NUP214: variants seen among roughly 807,000 people sequenced by gnomAD.
NUP214 encodes nucleoporin 214, also known as nuclear pore complex protein Nup214.
A neutral mutation model predicts 196.2 loss-of-function variants in NUP214; 79 were observed. That is an observed-to-expected ratio of 0.40 (90% CI 0.34 to 0.49). The LOEUF (loss-of-function observed/expected upper bound fraction) is 0.49, where lower values mean the gene tolerates loss of function less well. NUP214 is among the 20% of genes least tolerant of loss of function. NUP214 has a pLI of 0.58. For synonymous variants in NUP214, 1,020 were observed against 990.5 expected (o/e 1.03, Z -0.56); for missense variants, 2,468 against 2,539.0 (o/e 0.97, Z 0.60).
At chr9:131,162,542 C>T (rs963349467) in intron 18 of NUP214, among the ~76,000 whole-genome samples, 1 of 152,136 alleles carries the variant, frequency 6.6e-6, no homozygotes. Flanking sequence ...CTTATGCTGT[C>T]CCCCTATTTC....
In NUP214 at chr9:131,147,461, C is replaced by G. The variant is rs753539610; in HGVS notation, c.1946-29C>G. 9 of 1,487,614 alleles carry G rather than the reference C, an allele frequency of 6.0e-6. No homozygotes were observed. The East Asian group carries it at 2.0e-4, about 34-fold the overall frequency. 92.2% of individuals were successfully genotyped at this position (1,487,614 alleles called of 1,614,324 possible). On this transcript the variant is annotated intron_variant, in intron 13 of 35. Transcript: ENST00000359428. ...GAGAAATAAAGGTAATAAATGCCAT[C>G]TATTTTAACTGACTTCTTTTTCAAG...
intron 17 of NUP214, among the ~76,000 whole-genome samples, chr9:131,156,364 C>T (rs1832442655): frequency 6.6e-6 from 1 of 151,846 alleles, no homozygotes; most frequent in African/African-American, 2.4e-5. Flanking sequence ...GATCTCCTGA[C>T]CTCATGATCC....
In NUP214 at chr9:131,163,900, T is replaced by C; in HGVS notation, c.2754T>C (p.Asn918=). 6.2e-7 allele frequency: 1 copy of C among 1,614,178 alleles called. No individual in the cohort carries two copies. ...SFDSDLESLC[N]ALLKTTIESH... is the part of the protein sequence containing the mutation. ...ACAGTGACCTGGAAAGCCTGTGCAA[T>C]GCTTTGTTGAAAACCACCATAGAAT... Residue 918 remains asparagine, a synonymous_variant, in exon 20 of 36, where the codon AAT becomes AAC. Transcript: ENST00000359428.
intron 30 of NUP214, 37 bp downstream of exon 30, chr9:131,201,754 A>G (rs1350076405): frequency 3.9e-6 from 6 of 1,538,708 alleles, no homozygotes; most frequent in African/African-American, 1.4e-5. Flanking sequence ...GTCAACATGT[A>G]TCAAACCCAT....
rs991493696 is a variant in NUP214, at chr9:131,146,794, G to A, written c.1945+490G>A. ...AAAATACAAAAATTAGCCAGGTGTGGTGGTGGGTGCCTGTAATCCCAGCTA... is the reference window on the plus strand; with the variant it reads ...AAAATACAAAAATTAGCCAGGTGTGATGGTGGGTGCCTGTAATCCCAGCTA... On this transcript the variant is annotated intron_variant, in intron 13 of 35. Coordinates refer to ENST00000359428, the MANE Select transcript of NUP214 (RefSeq NM_005085.4). The surrounding 1 kb of genome is among the most constrained non-coding windows in gnomAD (Gnocchi z 4.6). 1.3e-5 allele frequency among the ~76,000 whole-genome samples: 2 copies of A among 152,090 alleles called. No homozygotes were observed. The highest frequency in any genetic ancestry group is 4.8e-5 in the African/African-American group (2 of 41,428).
intron 11 of NUP214, among the ~76,000 whole-genome samples, chr9:131,142,055 C>A (rs1322624914): frequency 6.6e-6 from 1 of 152,142 alleles, no homozygotes; most frequent in Non-Finnish European, 1.5e-5. Flanking sequence ...AGCACTACCC[C>A]AAGTGATATA....
intron 27 of NUP214, among the ~76,000 whole-genome samples, chr9:131,193,629 C>CTTTTTTGTTT (rs1833678751): frequency 3.5e-5 from 1 of 28,218 alleles, no homozygotes; most frequent in Non-Finnish European, 6.5e-5. Context: ...TCTTCCTTTT[C>CTTTTTTGTTT]TTTTTTTTTT....
At chr9:131,220,195 C>G (rs1834519637) in intron 31 of NUP214, among the ~76,000 whole-genome samples, 1 of 152,068 alleles carries the variant, frequency 6.6e-6, no homozygotes, top group Non-Finnish European at 1.5e-5. Context: ...ATTTACAAGT[C>G]AAGAAGAATC....
chr9:131,180,916 C>T (rs894062418), intron 24 of NUP214, among the ~76,000 whole-genome samples: 4 of 152,086 alleles, frequency 2.6e-5, no homozygotes, highest in African/African-American at 4.8e-5. Context: ...AGATAAACTA[C>T]CTGTTTTGTT....
Position 131,125,983 on chromosome 9 carries a change from T to C in NUP214, c.45+234T>C. The C allele has an allele frequency of 5.3e-6, 3 of 566,370 alleles. No homozygotes were observed. The highest frequency in any genetic ancestry group is 6.2e-6 in the Non-Finnish European group (2 of 322,490). The allele number at this position is 566,370 out of a possible 1,614,324, so 35.1% of individuals were successfully genotyped here. On this transcript the variant is annotated intron_variant, in intron 1 of 35. Coordinates refer to ENST00000359428, the MANE Select transcript of NUP214 (RefSeq NM_005085.4). This position sits in a 1 kb window ranked among gnomAD's most constrained non-coding sequence, Gnocchi z 4.1. ...CTGTTGAGTTACCCTAGCTACTTCC[T>C]GGGGCGGTCACAATAGTGGCAATAA...
rs375536653 is a variant in NUP214, at chr9:131,142,610, A to G, written c.1295-1670A>G. Reference sequence around the variant, plus strand: ...GCTTTTGATTTATTTAGGGTCTGGTATATATTTTTCATGTCAGTTTACCTA... The same window carrying G: ...GCTTTTGATTTATTTAGGGTCTGGTGTATATTTTTCATGTCAGTTTACCTA... On this transcript the variant is annotated intron_variant, in intron 11 of 35. Transcript: ENST00000359428. Among the ~76,000 whole-genome samples, 29 of 152,354 alleles carry G rather than the reference A, an allele frequency of 1.9e-4. No homozygotes were observed. The East Asian group carries it at 2.3e-3, about 12-fold the overall frequency.
At chr9:131,140,219 G>A (rs1831865565) in intron 10 of NUP214, among the ~76,000 whole-genome samples, 1 of 152,092 alleles carries the variant, frequency 6.6e-6, no homozygotes, top group Admixed American at 6.5e-5. Flanking sequence ...CTTGGTCAGG[G>A]GAATGCCAAG....
intron 18 of NUP214, among the ~76,000 whole-genome samples, chr9:131,161,224 A>G (rs998718649): frequency 6.7e-6 from 1 of 149,814 alleles, no homozygotes; most frequent in Non-Finnish European, 1.5e-5. Flanking sequence ...TTTCAGGGCC[A>G]TCCCTGAATA....
chr9:131,198,919 A>C lies in NUP214; in HGVS notation c.5425A>C (p.Ser1809Arg), dbSNP rs768129499. 2.5e-6 allele frequency: 4 copies of C among 1,614,090 alleles called. No homozygotes were observed. The East Asian group carries it at 8.9e-5, about 36-fold the overall frequency. Residue 1809 changes from serine to arginine, a missense_variant, in exon 29 of 36, where the codon AGT (serine) becomes CGT (arginine). Ser to Arg is a moderately radical substitution (Grantham distance 110). Transcript: ENST00000359428. Reference sequence around the variant, plus strand: ...AAGCAACGCTCCTGCTTTTGGGCAGAGTCCTGGCTTTGGACAGGGAGGCTC... The same window carrying C: ...AAGCAACGCTCCTGCTTTTGGGCAGCGTCCTGGCTTTGGACAGGGAGGCTC... The part of the protein sequence containing the change: ...GQSNAPAFGQ[S>R]PGFGQGGSVF...
Position 131,125,712 on chromosome 9 carries a change from A to G in NUP214, c.8A>G (p.Asp3Gly). The stretch of plus-strand genomic sequence containing the variant: ...CACACTGAGGGCGGCGCGATGGGAG[A>G]CGAGATGGATGCCATGATTCCCGAG... The part of the protein sequence containing the change: MG[D>G]EMDAMIPERE... The change falls in exon 1 of 36, where the codon GAC becomes GGC. Residue 3 changes from aspartate to glycine, a missense_variant. Asp to Gly is a moderately conservative substitution (Grantham distance 94). Around this residue, in one of 5 missense-constraint regions of NUP214, gnomAD observed 392 missense variants for 417.9 expected, o/e 0.94. Coordinates refer to ENST00000359428, the MANE Select transcript of NUP214 (RefSeq NM_005085.4). This position sits in a 1 kb window ranked among gnomAD's most constrained non-coding sequence, Gnocchi z 4.1. 1 of 1,552,144 alleles carries G rather than the reference A, an allele frequency of 6.4e-7. No homozygotes were observed. Among genetic ancestry groups the G allele is most frequent in the Non-Finnish European group, 8.7e-7 (1 of 1,147,424 alleles).
chr9:131,129,199 A>G (rs1831453380), intron 3 of NUP214, 80 bp from the exon 4 acceptor site: 3 of 1,184,464 alleles, frequency 2.5e-6, no homozygotes, highest in Non-Finnish European at 3.7e-6. Flanking sequence ...TTGTGTATTC[A>G]GTAATTTCCA....
intron 30 of NUP214, among the ~76,000 whole-genome samples, chr9:131,212,385 C>T (rs990536483): frequency 6.6e-6 from 1 of 152,216 alleles, no homozygotes; most frequent in East Asian, 1.9e-4. Flanking sequence ...GACCCACACC[C>T]TATTCATACA....
intron 4 of NUP214, 52 bp downstream of exon 4, chr9:131,129,529 A>G (rs1831462728): frequency 6.5e-7 from 1 of 1,536,134 alleles, no homozygotes; most frequent in East Asian, 2.3e-5. Flanking sequence ...TCATCTACTT[A>G]AGAATTGATT....
At chr9:131,134,862 A>G in intron 7 of NUP214, 36 bp from the exon 8 acceptor site, 1 of 1,385,364 alleles carries the variant, frequency 7.2e-7, no homozygotes, top group Non-Finnish European at 1.0e-6. Flanking sequence ...GAAAAATTGC[A>G]CATGAGAATT....
Sources: gnomAD v4.1 joint callset for allele counts (sites outside exome capture counted in the v4.1 genomes callset) on GRCh38, gnomAD v4.1.1 for gene constraint, gnomAD v4.1.1 regional missense constraint, Gnocchi (gnomAD v3.1) non-coding constraint, MANE v1.5 for transcripts, NCBI Gene and HGNC (gene_info 2026-07-23, HGNC 2026-07-21) for gene names.